Variants in SHISA6 observed in about 807,000 individuals in gnomAD.
SHISA6 encodes protein shisa-6.
SHISA6 carries 22 observed loss-of-function variants against 47.9 expected under a neutral mutation model. That is an observed-to-expected ratio of 0.46 (90% CI 0.33 to 0.66). The LOEUF is 0.66. SHISA6 is among the 30% of genes least tolerant of loss of function. The pLI, the probability that SHISA6 is intolerant of heterozygous loss-of-function variation, is 0.02. For synonymous variants in SHISA6, 388 were observed against 337.8 expected, an observed-to-expected ratio of 1.15 and a Z score of -1.63; for missense variants, 680 against 764.6, an observed-to-expected ratio of 0.89 and a Z score of 1.30.
intron 2 of SHISA6, among the ~76,000 whole-genome samples, chr17:11,349,073 A>T (rs1047353011): frequency 1.3e-5 from 2 of 152,182 alleles, no homozygotes; most frequent in African/African-American, 2.4e-5. Flanking sequence ...TTGGTCTGGG[A>T]TCCTTTGGTT....
At position 11,278,283 on chromosome 17, in the gene SHISA6, TACCCC is replaced by T. The variant is rs200996155; in HGVS notation, c.799+14760_799+14764del. On this transcript the variant is annotated intron_variant, in intron 2 of 5. Coordinates refer to ENST00000441885, the MANE Select transcript of SHISA6 (RefSeq NM_207386.4). ...TTCTGATATGGAGGCTGCAGAATGT[TACCCC>T]ACAACAAAGCCAAGGCATTGGGGAA... 9.7e-3 allele frequency among the ~76,000 whole-genome samples: 1,480 copies of T among 152,276 alleles called. 27 individuals carry two copies. Among genetic ancestry groups the T allele is most frequent in the African/African-American group, 0.034 (1,394 of 41,542 alleles).
chr17:11,533,458 G>A (rs139712551), intron 3 of SHISA6, among the ~76,000 whole-genome samples: 130 of 151,952 alleles, frequency 8.6e-4, no homozygotes, highest in African/African-American at 2.8e-3. Context: ...ATTCTCTCAC[G>A]TTTTATTCTT....
At chr17:11,292,144 A>C (rs993201855) in intron 2 of SHISA6, among the ~76,000 whole-genome samples, 5 of 151,252 alleles carry the variant, frequency 3.3e-5, no homozygotes, top group Non-Finnish European at 5.9e-5. Context: ...CCATCTCCCC[A>C]CTCCCCCACC....
intron 3 of SHISA6, among the ~76,000 whole-genome samples, chr17:11,473,470 A>C (rs1030332740): frequency 3.3e-5 from 5 of 152,158 alleles, no homozygotes; most frequent in African/African-American, 1.2e-4. Flanking sequence ...CTCACATGGC[A>C]GAAGAGTAGA....
chr17:11,473,219 G>T (rs1915971577), intron 3 of SHISA6, among the ~76,000 whole-genome samples: 2 of 152,182 alleles, frequency 1.3e-5, no homozygotes, highest in Admixed American at 6.5e-5. Context: ...TATATAAAAA[G>T]TCATTGCCAT....
intron 3 of SHISA6, among the ~76,000 whole-genome samples, chr17:11,418,983 G>A (rs1914369135): frequency 6.6e-6 from 1 of 151,910 alleles, no homozygotes; most frequent in African/African-American, 2.4e-5. Flanking sequence ...TCCACTGGAA[G>A]ATGAGAGGCT....
intron 2 of SHISA6, among the ~76,000 whole-genome samples, chr17:11,307,945 A>T (rs2142183567): frequency 6.6e-6 from 1 of 152,308 alleles, no homozygotes; most frequent in South Asian, 2.1e-4. Flanking sequence ...ATCAACAAGC[A>T]AATGAAAGGA....
intron 3 of SHISA6, among the ~76,000 whole-genome samples, chr17:11,486,645 A>G (rs1916355445): frequency 6.6e-6 from 1 of 152,172 alleles, no homozygotes; most frequent in Non-Finnish European, 1.5e-5. Context: ...TGGAGACACC[A>G]CCCAAGGTGA....
chr17:11,295,044 A>G lies in SHISA6; in HGVS notation c.799+31518A>G, dbSNP rs78381823. The stretch of plus-strand genomic sequence containing the variant: ...CTACTAAAGTGACTAATAGGCAGGT[A>G]TCCGGTACAGTGTGAAAATACTGGA... On this transcript the variant is annotated intron_variant, in intron 2 of 5. Transcript: ENST00000441885. Among the ~76,000 whole-genome samples, 1,188 of 152,362 alleles carry G rather than the reference A, an allele frequency of 7.8e-3. 12 individuals carry two copies. The highest frequency in any genetic ancestry group is 0.02 in the South Asian group (99 of 4,832).
At chr17:11,265,370 A>G (rs1908387175) in intron 2 of SHISA6, among the ~76,000 whole-genome samples, 1 of 152,084 alleles carries the variant, frequency 6.6e-6, no homozygotes, top group East Asian at 1.9e-4. Context: ...AAAATTAAGG[A>G]TGTCTGGGCC....
intron 2 of SHISA6, among the ~76,000 whole-genome samples, chr17:11,272,101 C>G (rs905927128): frequency 3.3e-5 from 5 of 152,154 alleles, no homozygotes; most frequent in Non-Finnish European, 7.3e-5. Context: ...AGGCACCCTC[C>G]TTCCCACAGT....
chr17:11,460,298 A>T (rs576237762), intron 3 of SHISA6, among the ~76,000 whole-genome samples: 42 of 152,346 alleles, frequency 2.8e-4, no homozygotes, highest in African/African-American at 9.9e-4. Context: ...GTCTCCCAGA[A>T]GCAGCTTTGT....
intron 3 of SHISA6, among the ~76,000 whole-genome samples, chr17:11,412,713 T>C (rs1914163723): frequency 1.3e-5 from 2 of 152,064 alleles, no homozygotes; most frequent in Non-Finnish European, 2.9e-5. Context: ...GGCTAATTTT[T>C]TGTATTTTTA....
intron 3 of SHISA6, among the ~76,000 whole-genome samples, chr17:11,461,496 C>G (rs1026217454): frequency 1.3e-5 from 2 of 150,562 alleles, no homozygotes; most frequent in African/African-American, 4.9e-5. Context: ...TAGGTTTTTA[C>G]TCACAGATGC....
intron 3 of SHISA6, among the ~76,000 whole-genome samples, chr17:11,446,091 G>T (rs577894800): frequency 6.6e-6 from 1 of 152,294 alleles, no homozygotes; most frequent in East Asian, 1.9e-4. Flanking sequence ...CTCCCAAAGC[G>T]CTGGGATTAC....
chr17:11,441,763 T>C (rs1915099124), intron 3 of SHISA6, among the ~76,000 whole-genome samples: 1 of 152,184 alleles, frequency 6.6e-6, no homozygotes, highest in Admixed American at 6.5e-5. Context: ...ATCCTGCCAC[T>C]TTTTCCCACT....
At chr17:11,397,072 C>T (rs1406357252) in intron 3 of SHISA6, among the ~76,000 whole-genome samples, 1 of 152,100 alleles carries the variant, frequency 6.6e-6, no homozygotes, top group East Asian at 1.9e-4. Flanking sequence ...AATTTTTTTA[C>T]AAGCTGTACA....
chr17:11,351,362 A>G (rs1411528278), intron 2 of SHISA6, among the ~76,000 whole-genome samples: 1 of 152,222 alleles, frequency 6.6e-6, no homozygotes, highest in African/African-American at 2.4e-5. Flanking sequence ...CTACCTGAAT[A>G]TCCAATTACC....
At chr17:11,461,625 G>GT (rs1295085657) in intron 3 of SHISA6, among the ~76,000 whole-genome samples, 1 of 152,174 alleles carries the variant, frequency 6.6e-6, no homozygotes, top group Non-Finnish European at 1.5e-5. Context: ...CCACAGGAAG[G>GT]TAAGGCAGAG....
Sources: gnomAD v4.1 joint callset for allele counts (sites outside exome capture counted in the v4.1 genomes callset) on GRCh38, gnomAD v4.1.1 for gene constraint, MANE v1.5 for transcripts, NCBI Gene and HGNC (gene_info 2026-07-23, HGNC 2026-07-21) for gene names.